The following SOX5 variants were observed in gnomAD, a reference collection of about 807,000 sequenced individuals.
SOX5 encodes transcription factor SOX-5.
Under a neutral mutation model 92.0 loss-of-function variants are expected in SOX5, and 9 were observed. That is an observed-to-expected ratio of 0.10 (90% confidence interval 0.06 to 0.17). SOX5 has a LOEUF of 0.17. SOX5 is among the 10% of genes least tolerant of loss of function. SOX5 has a pLI of 1.00. For missense variants in SOX5, 642 were observed against 944.5 expected, an observed-to-expected ratio of 0.68 and a Z score of 4.20; for synonymous variants, 344 against 336.3, an observed-to-expected ratio of 1.02 and a Z score of -0.25.
At position 23,719,853 on chromosome 12, in the gene SOX5, A is replaced by T. The variant is rs558738576; in HGVS notation, c.810+14831T>A. Among the ~76,000 whole-genome samples, 169 of 150,866 alleles carry T rather than the reference A, an allele frequency of 1.1e-3. 1 individual carries two copies. Among genetic ancestry groups the T allele is most frequent in the African/African-American group, 3.9e-3 (159 of 41,190 alleles). Reference sequence around the variant, plus strand: ...TCTGCATTATGTTCATTTCTCCTAAATTCTCAGAGAGATGATCTGCTGTTC... The same window carrying T: ...TCTGCATTATGTTCATTTCTCCTAATTTCTCAGAGAGATGATCTGCTGTTC... On this transcript the variant is annotated intron_variant, in intron 6 of 14. Transcript: ENST00000451604.
intron 2 of SOX5, among the ~76,000 whole-genome samples, chr12:24,290,466 T>G (rs1360951465): frequency 2.6e-5 from 4 of 152,326 alleles, no homozygotes; most frequent in Non-Finnish European, 5.9e-5. Flanking sequence ...ATAGCACTGA[T>G]GAGGCGGCCA....
chr12:24,135,994 C>T (rs983303153), intron 4 of SOX5, among the ~76,000 whole-genome samples: 2 of 152,122 alleles, frequency 1.3e-5, no homozygotes, highest in Non-Finnish European at 2.9e-5. Context: ...CAGTGCTATA[C>T]TTTAGGGCAA....
intron 6 of SOX5, among the ~76,000 whole-genome samples, chr12:23,685,016 A>T (rs1566963478): frequency 6.6e-6 from 1 of 152,148 alleles, no homozygotes; most frequent in African/African-American, 2.4e-5. Flanking sequence ...ATGTATTGAA[A>T]TTATCATCTT....
intron 2 of SOX5, among the ~76,000 whole-genome samples, chr12:24,298,783 C>CAAAAAAAAAAAAAAA (rs10657648): frequency 2.1e-5 from 2 of 96,676 alleles, no homozygotes; most frequent in African/African-American, 7.1e-5. Context: ...CCAGAGTAGT[C>CAAAAAAAAAAAAAAA]AAAAAAAAAA....
chr12:23,536,696 A>C (rs751144119), intron 13 of SOX5, 27 bp from the exon 14 acceptor site: 9 of 1,533,946 alleles, frequency 5.9e-6, no homozygotes, highest in Non-Finnish European at 8.1e-6. Context: ...TTAGGATTCC[A>C]ATTTGCACAG....
At chr12:23,658,159 T>C (rs1390837006) in intron 7 of SOX5, among the ~76,000 whole-genome samples, 1 of 152,168 alleles carries the variant, frequency 6.6e-6, no homozygotes, top group Non-Finnish European at 1.5e-5. Flanking sequence ...AAGTACAGTA[T>C]AAGCTATTAT....
chr12:23,754,152 T>C (rs1055521577), intron 4 of SOX5, among the ~76,000 whole-genome samples: 7 of 151,868 alleles, frequency 4.6e-5, no homozygotes, highest in African/African-American at 1.7e-4. Flanking sequence ...TGAGCTTTCC[T>C]CTAAGCTTGT....
chr12:23,668,059 G>A (rs1359406392), intron 6 of SOX5, among the ~76,000 whole-genome samples: 1 of 152,088 alleles, frequency 6.6e-6, no homozygotes, highest in African/African-American at 2.4e-5. Flanking sequence ...TGTTTAAAAA[G>A]CTCCCAAGCA....
At chr12:23,680,833 AAAAAAAT>A (rs1480190634) in intron 6 of SOX5, among the ~76,000 whole-genome samples, 1 of 152,114 alleles carries the variant, frequency 6.6e-6, no homozygotes, top group Non-Finnish European at 1.5e-5. Context: ...ACGTCAATGG[AAAAAAAT>A]AAACTGACAA....
chr12:24,162,434 G>A (rs1014345258), intron 4 of SOX5, among the ~76,000 whole-genome samples: 4 of 152,232 alleles, frequency 2.6e-5, no homozygotes, highest in Non-Finnish European at 4.4e-5. Flanking sequence ...GTGTTCAGTT[G>A]TTGAGAACTT....
chr12:24,370,045 T>G (rs1956562860), intron 1 of SOX5, among the ~76,000 whole-genome samples: 1 of 152,164 alleles, frequency 6.6e-6, no homozygotes. Context: ...TGTTTTGGGG[T>G]TTTTGTTTTG....
intron 6 of SOX5, among the ~76,000 whole-genome samples, chr12:23,685,707 G>A (rs1374016640): frequency 6.6e-6 from 1 of 150,980 alleles, no homozygotes; most frequent in Non-Finnish European, 1.5e-5. Flanking sequence ...ACAATGACCT[G>A]GTTCTCCTTC....
At chr12:23,567,776 T>G (rs2136455144) in intron 10 of SOX5, among the ~76,000 whole-genome samples, 2 of 152,230 alleles carry the variant, frequency 1.3e-5, no homozygotes, top group East Asian at 3.9e-4. Context: ...TGTTTTATGC[T>G]TCAGTGTTTC....
At chr12:23,885,316 T>G (rs1351646156) in intron 2 of SOX5, among the ~76,000 whole-genome samples, 1 of 152,238 alleles carries the variant, frequency 6.6e-6, no homozygotes, top group Non-Finnish European at 1.5e-5. Flanking sequence ...TTACATAAAT[T>G]TATAAAGCTA....
chr12:23,935,782 C>G (rs1685449102), intron 1 of SOX5, among the ~76,000 whole-genome samples: 1 of 150,664 alleles, frequency 6.6e-6, no homozygotes, highest in Non-Finnish European at 1.5e-5. Context: ...TAATATAATA[C>G]CTGGTATAGT....
intron 2 of SOX5, among the ~76,000 whole-genome samples, chr12:24,347,496 G>C (rs187597701): frequency 4.0e-5 from 6 of 151,626 alleles, no homozygotes; most frequent in African/African-American, 1.2e-4. Flanking sequence ...CAATTTTCAA[G>C]CAAAAAAAAT....
At chr12:24,415,119 G>C (rs10842342) in intron 1 of SOX5, among the ~76,000 whole-genome samples, 51,136 of 151,980 alleles carry the variant, frequency 0.34, 9,166 homozygotes, top group Non-Finnish European at 0.4. Context: ...TTTAGAAAAG[G>C]CTTTGTGGTT....
rs186070076 is a variant in SOX5, at chr12:23,679,276, C to T, written c.811-13712G>A. On this transcript the variant is annotated intron_variant, in intron 6 of 14. Transcript: ENST00000451604. ...CTCAGTCTCTCACACTAACCCAGGA[C>T]AATCAAAGGGGATATTCCTTTGGTG... 8.5e-5 allele frequency among the ~76,000 whole-genome samples: 13 copies of T among 152,148 alleles called. 1 individual carries two copies. The East Asian group carries it at 2.3e-3, about 27-fold the overall frequency.
intron 2 of SOX5, among the ~76,000 whole-genome samples, chr12:24,358,445 G>A (rs1359593881): frequency 6.6e-6 from 1 of 151,860 alleles, no homozygotes; most frequent in Non-Finnish European, 1.5e-5. Context: ...TCTTTCCCAA[G>A]AAATAATACT....
Sources: allele counts gnomAD v4.1 joint callset (sites outside exome capture counted in the v4.1 genomes callset), GRCh38; gene constraint gnomAD v4.1.1; transcripts MANE v1.5; gene names NCBI Gene and HGNC (gene_info 2026-07-23, HGNC 2026-07-21).